Variants in TMSB15B observed in about 807,000 individuals in gnomAD.
The protein encoded by TMSB15B is thymosin beta-15B.
intron 1 of TMSB15B, among the ~76,000 whole-genome samples, chrX:103,920,943 C>T (rs2074950611): frequency 1.8e-5 from 2 of 112,236 alleles, no homozygotes; most frequent in Admixed American, 1.9e-4. Flanking sequence ...ACTTAGAGAG[C>T]AGGTATTACT....
At chrX:103,945,073 C>A (rs190618230) in intron 1 of TMSB15B, among the ~76,000 whole-genome samples, 3 of 112,954 alleles carry the variant, frequency 2.7e-5, no homozygotes, top group Non-Finnish European at 5.6e-5. Context: ...CCACTGAGCC[C>A]GGCCAATATG....
intron 1 of TMSB15B, among the ~76,000 whole-genome samples, chrX:103,952,866 T>C (rs782334165): frequency 1.8e-5 from 2 of 111,475 alleles, no homozygotes; most frequent in Non-Finnish European, 3.8e-5. Flanking sequence ...AGGCTTCATT[T>C]TGCTCCTTCG....
At chrX:103,942,920 A>G (rs1356285414) in intron 1 of TMSB15B, among the ~76,000 whole-genome samples, 2 of 111,860 alleles carry the variant, frequency 1.8e-5, no homozygotes, top group East Asian at 5.6e-4. Context: ...ATCAGTTTAT[A>G]TGTGTTGATG....
At chrX:103,925,692 C>A (rs1308447950) in intron 1 of TMSB15B, among the ~76,000 whole-genome samples, 11 of 112,316 alleles carry the variant, frequency 9.8e-5, no homozygotes, top group Admixed American at 2.8e-4. Context: ...TCTCATACTA[C>A]CCCACTTGCT....
At chrX:103,919,419 C>T (rs1303428544) in intron 1 of TMSB15B, 4 of 112,403 alleles carry the variant, frequency 3.6e-5, no homozygotes, top group African/African-American at 1.3e-4. Context: ...AATGAGAGTT[C>T]CTTACCTTTG....
intron 1 of TMSB15B, among the ~76,000 whole-genome samples, chrX:103,927,297 C>G (rs2074970974): frequency 8.9e-6 from 1 of 112,140 alleles, no homozygotes; most frequent in Admixed American, 9.5e-5. Context: ...GCCAGGAAGC[C>G]TCTGAATATC....
intron 1 of TMSB15B, among the ~76,000 whole-genome samples, chrX:103,950,893 T>G (rs2075037497): frequency 9.0e-6 from 1 of 111,223 alleles, no homozygotes; most frequent in Non-Finnish European, 1.9e-5. Flanking sequence ...AGAAGATATC[T>G]AGTGGGAAAG....
chrX:103,947,836 G>A (rs1464207140), intron 1 of TMSB15B, among the ~76,000 whole-genome samples: 2 of 111,628 alleles, frequency 1.8e-5, no homozygotes, highest in East Asian at 5.6e-4. Context: ...AAGGAAATGT[G>A]TATAACCAGG....
intron 1 of TMSB15B, chrX:103,929,009 AGACT>A (rs1474590299): frequency 1.7e-6 from 2 of 1,164,406 alleles, no homozygotes; most frequent in Non-Finnish European, 2.3e-6. Context: ...AAAGAGCTGA[AGACT>A]GACTAGCTGC....
At chrX:103,944,006 T>A (rs1341552575) in intron 1 of TMSB15B, among the ~76,000 whole-genome samples, 7 of 112,094 alleles carry the variant, frequency 6.2e-5, no homozygotes, top group African/African-American at 2.3e-4. Flanking sequence ...GATCATGTGA[T>A]CCGACTTCTT....
chrX:103,955,203 A>C (rs782201832), intron 1 of TMSB15B, among the ~76,000 whole-genome samples: 5 of 111,658 alleles, frequency 4.5e-5, no homozygotes, highest in Admixed American at 3.8e-4. Context: ...ATGAGAAAGA[A>C]TCAGTGCAAG....
intron 1 of TMSB15B, among the ~76,000 whole-genome samples, chrX:103,924,220 C>T: frequency 9.0e-6 from 1 of 111,339 alleles, no homozygotes; most frequent in Non-Finnish European, 1.9e-5. Context: ...ATGTGGTCCT[C>T]ATTCTAAATG....
intron 1 of TMSB15B, among the ~76,000 whole-genome samples, chrX:103,952,856 A>G (rs1859162201): frequency 9.0e-6 from 1 of 111,531 alleles, no homozygotes; most frequent in African/African-American, 3.3e-5. Flanking sequence ...GGTTCAAACA[A>G]GGCTTCATTT....
rs1268990820 is a variant in TMSB15B at position 103,928,641 on chromosome X, G to C, written c.-721+9349G>C. 3 of 1,158,276 alleles carry C rather than the reference G, an allele frequency of 2.6e-6. No homozygotes were observed. The African/African-American group carries it at 5.4e-5, about 21-fold the overall frequency. Reference sequence around the variant, plus strand: ...ACTACCATGGTTTCTGGCCTGTCCTGGCCAGGAACAGCCTGGGGAGCACTC... The same window carrying C: ...ACTACCATGGTTTCTGGCCTGTCCTCGCCAGGAACAGCCTGGGGAGCACTC... On this transcript the variant is annotated intron_variant, in intron 1 of 3. Transcript: ENST00000419165.
chrX:103,935,959 G>A (rs2074996726), intron 1 of TMSB15B, among the ~76,000 whole-genome samples: 1 of 102,830 alleles, frequency 9.7e-6, no homozygotes, highest in Admixed American at 1.1e-4. Context: ...TTATTCTCCT[G>A]CCTCAGCGTC....
intron 1 of TMSB15B, among the ~76,000 whole-genome samples, chrX:103,922,101 A>G (rs1400151849): frequency 1.7e-4 from 17 of 98,808 alleles, no homozygotes; most frequent in Non-Finnish European, 1.2e-4. Context: ...TTTTTTTTTG[A>G]GACGGAGTCT....
intron 1 of TMSB15B, among the ~76,000 whole-genome samples, chrX:103,937,260 G>A (rs1456746241): frequency 8.9e-6 from 1 of 111,845 alleles, no homozygotes; most frequent in Non-Finnish European, 1.9e-5. Flanking sequence ...GCTCCTCTTT[G>A]TACCTCTGGT....
rs148340285 is a variant in TMSB15B at position 103,941,178 on chromosome X, G to A, written c.-720-20843G>A. Among the ~76,000 whole-genome samples the A allele has an allele frequency of 3.8e-4, 42 of 111,832 alleles. No homozygotes were observed. In the East Asian group the frequency reaches 0.01, roughly 28 times the overall value. On this transcript the variant is annotated intron_variant, in intron 1 of 3. Transcript: ENST00000419165. ...TTCAGCCATCTTGCCCAGGAGTCTC[G>A]CATTCCTTTGTTATAGCTCAATGCT...
intron 1 of TMSB15B, chrX:103,928,045 C>CT: frequency 1.3e-6 from 1 of 787,093 alleles, no homozygotes; most frequent in Non-Finnish European, 1.8e-6. Flanking sequence ...GCTCTAATCT[C>CT]TTTTTTTCCA....
Sources: gnomAD v4.1 joint callset for allele counts (sites outside exome capture counted in the v4.1 genomes callset) on GRCh38, gnomAD v4.1.1 for gene constraint, MANE v1.5 for transcripts, NCBI Gene and HGNC (gene_info 2026-07-23, HGNC 2026-07-21) for gene names.